NEXMIF: variants seen among roughly 807,000 people sequenced by gnomAD.
NEXMIF encodes the protein XLMR protein related to neurite extension.
In NEXMIF, 8 loss-of-function variants were observed where a neutral mutation model predicts 62.1. That is an observed-to-expected ratio of 0.13 (90% CI 0.08 to 0.23). The LOEUF is 0.23. Among genes scored for constraint, NEXMIF ranks in the 10% least tolerant of loss-of-function variants. The pLI is 1.00. For synonymous variants in NEXMIF, 404 were observed against 416.6 expected (o/e 0.97, Z 0.37); for missense variants, 976 against 1,113.3 (o/e 0.88, Z 1.75).
At position 74,780,086 on chromosome X, in the gene NEXMIF, C is replaced by T. The variant is rs752035251; in HGVS notation, c.-47-34389G>A. ...TCTGCTGTAATTATTCCTGGGCATT[C>T]GTTTGGGAACTTCACCAAAATACCA... is the stretch of plus-strand genomic sequence containing the variant. On this transcript the variant is annotated intron_variant, in intron 1 of 3. Transcript: ENST00000055682. 3.6e-5 allele frequency among the ~76,000 whole-genome samples: 4 copies of T among 112,356 alleles called. No individual in the cohort carries two copies. In the South Asian group the frequency reaches 1.5e-3, roughly 42 times the overall value.
intron 1 of NEXMIF, among the ~76,000 whole-genome samples, chrX:74,890,346 T>A (rs2080713694): frequency 9.0e-6 from 1 of 110,970 alleles, no homozygotes; most frequent in Non-Finnish European, 1.9e-5. Context: ...GGAAAAATCA[T>A]GAACTAGAAG....
rs1322958101 is a variant in NEXMIF, at chrX:74,742,764, T to C, written c.1793A>G (p.Asn598Ser). The C allele has an allele frequency of 2.5e-6, 3 of 1,211,244 alleles. No individual in the cohort carries two copies. Among genetic ancestry groups the C allele is most frequent in the East Asian group, 3.0e-5 (1 of 33,812 alleles). ...AAAAGGTGTCTTGATGGAGTCCGTGTTGGTGTTTCTCTGCTTCTTCTTCTT... is the reference window on the plus strand; with the variant it reads ...AAAAGGTGTCTTGATGGAGTCCGTGCTGGTGTTTCTCTGCTTCTTCTTCTT... ...WQKKKKQRNT[N>S]TDSIKTPFSQ... Residue 598 changes from asparagine to serine, a missense_variant, in exon 3 of 4, where the codon AAC (asparagine) becomes AGC (serine). Coordinates refer to ENST00000055682, the MANE Select transcript of NEXMIF (RefSeq NM_001008537.3).
chrX:74,858,484 T>C (rs1343944309), intron 1 of NEXMIF, among the ~76,000 whole-genome samples: 1 of 112,397 alleles, frequency 8.9e-6, no homozygotes, highest in Non-Finnish European at 1.9e-5. Context: ...AGCCCCCTGA[T>C]GCAGATACAG....
intron 1 of NEXMIF, among the ~76,000 whole-genome samples, chrX:74,862,175 A>G (rs1319152225): frequency 9.0e-6 from 1 of 111,512 alleles, no homozygotes; most frequent in Non-Finnish European, 1.9e-5. Flanking sequence ...AGCAGAAAAG[A>G]CAGGAGTGAC....
At chrX:74,793,924 T>C (rs1174185694) in intron 1 of NEXMIF, among the ~76,000 whole-genome samples, 2 of 82,760 alleles carry the variant, frequency 2.4e-5, no homozygotes, top group Non-Finnish European at 4.8e-5. Context: ...GGTTTGAATG[T>C]CCTCCCGTAG....
At chrX:74,810,766 G>T (rs1366387303) in intron 1 of NEXMIF, among the ~76,000 whole-genome samples, 3 of 111,290 alleles carry the variant, frequency 2.7e-5, no homozygotes, top group African/African-American at 9.8e-5. Flanking sequence ...CAACTTCGAA[G>T]AATCATTCTA....
chrX:74,825,196 C>T (rs1456746663), intron 1 of NEXMIF, among the ~76,000 whole-genome samples: 1 of 111,319 alleles, frequency 9.0e-6, no homozygotes, highest in Admixed American at 9.5e-5. Context: ...TTTACAAGTC[C>T]TTTTGAGAAT....
intron 1 of NEXMIF, among the ~76,000 whole-genome samples, chrX:74,878,241 C>T (rs181658749): frequency 5.4e-5 from 6 of 111,010 alleles, no homozygotes; most frequent in African/African-American, 2.0e-4. Context: ...TGTTGGAGTA[C>T]CCGGCCGTGT....
chrX:74,864,316 A>C (rs2080569356), intron 1 of NEXMIF, among the ~76,000 whole-genome samples: 1 of 112,044 alleles, frequency 8.9e-6, no homozygotes, highest in African/African-American at 3.2e-5. Context: ...ATGATTCTAT[A>C]TCTAGAAAAC....
chrX:74,781,399 G>A (rs2080246246), intron 1 of NEXMIF, among the ~76,000 whole-genome samples: 1 of 110,512 alleles, frequency 9.0e-6, no homozygotes, highest in Non-Finnish European at 1.9e-5. Flanking sequence ...GTTTGAAAAA[G>A]AGAGATCAGA....
chrX:74,793,257 A>T (rs2080292289), intron 1 of NEXMIF, among the ~76,000 whole-genome samples: 1 of 110,127 alleles, frequency 9.1e-6, no homozygotes, highest in African/African-American at 3.3e-5. Flanking sequence ...CTGGATATGA[A>T]ATTCTGGGTT....
At position 74,743,572 on chromosome X, in the gene NEXMIF, T is replaced by C; in HGVS notation, c.985A>G (p.Met329Val). The change falls in exon 3 of 4, where the codon ATG becomes GTG. Residue 329 changes from methionine to valine, a missense_variant. Around this residue, in one of 5 missense-constraint regions of NEXMIF, gnomAD observed 639 missense variants for 694.5 expected, o/e 0.92. Coordinates refer to ENST00000055682, the MANE Select transcript of NEXMIF (RefSeq NM_001008537.3). ...DNVRDKTTLLMQEDAQFNFFP... is the reference protein window; with the variant it reads ...DNVRDKTTLLVQEDAQFNFFP... ...AAGTTGAATTGGGCATCTTCCTGCA[T>C]CAAAAGAGTAGTCTTGTCTCGAACA... 8.3e-7 allele frequency: 1 copy of C among 1,211,670 alleles called. No individual in the cohort carries two copies. The highest frequency in any genetic ancestry group is 1.1e-6 in the Non-Finnish European group (1 of 895,482).
intron 1 of NEXMIF, among the ~76,000 whole-genome samples, chrX:74,774,927 T>C (rs1486410601): frequency 8.9e-6 from 1 of 111,778 alleles, no homozygotes; most frequent in Non-Finnish European, 1.9e-5. Context: ...GACAGCTTAA[T>C]TACCACTCAT....
intron 1 of NEXMIF, among the ~76,000 whole-genome samples, chrX:74,898,107 A>G: frequency 8.9e-6 from 1 of 111,866 alleles, no homozygotes; most frequent in Non-Finnish European, 1.9e-5. Context: ...GAACTGCCCA[A>G]AGTGATTATT....
intron 1 of NEXMIF, among the ~76,000 whole-genome samples, chrX:74,810,926 T>C (rs775922221): frequency 2.7e-5 from 3 of 111,867 alleles, no homozygotes; most frequent in Non-Finnish European, 3.8e-5. Flanking sequence ...GTCCAAGGAT[T>C]ACTCATAATA....
chrX:74,884,727 G>C (rs2080683401), intron 1 of NEXMIF, among the ~76,000 whole-genome samples: 1 of 111,415 alleles, frequency 9.0e-6, no homozygotes, highest in Admixed American at 9.6e-5. Flanking sequence ...GTCAACATTA[G>C]ACAAATCAAT....
chrX:74,905,305 G>T (rs1242859784), intron 1 of NEXMIF, among the ~76,000 whole-genome samples: 1 of 110,866 alleles, frequency 9.0e-6, no homozygotes, highest in African/African-American at 3.3e-5. Flanking sequence ...GGGGAGAGGA[G>T]AGACATACTT....
chrX:74,796,717 G>A (rs1020795589), intron 1 of NEXMIF, among the ~76,000 whole-genome samples: 1 of 111,208 alleles, frequency 9.0e-6, no homozygotes, highest in African/African-American at 3.3e-5. Context: ...AAAGCCCAAA[G>A]TATAAAATAA....
At chrX:74,771,813 C>A (rs745770751) in intron 1 of NEXMIF, among the ~76,000 whole-genome samples, 5 of 110,820 alleles carry the variant, frequency 4.5e-5, no homozygotes, top group Non-Finnish European at 7.5e-5. Flanking sequence ...TAAAATTTAA[C>A]TCTCACTCTG....
Sources: allele counts gnomAD v4.1 joint callset (sites outside exome capture counted in the v4.1 genomes callset), GRCh38; gene constraint gnomAD v4.1.1; regional missense constraint gnomAD v4.1.1; transcripts MANE v1.5; gene names NCBI Gene and HGNC (gene_info 2026-07-23, HGNC 2026-07-21).